The following PRKG1 variants were observed in gnomAD, a reference collection of about 807,000 sequenced individuals.
The protein encoded by PRKG1 is protein kinase cGMP-dependent 1.
Under a neutral mutation model 88.1 loss-of-function variants are expected in PRKG1, and 35 were observed. That is an observed-to-expected ratio of 0.40 (90% CI 0.30 to 0.53). The LOEUF (loss-of-function observed/expected upper bound fraction) is 0.53. Ranked by LOEUF, PRKG1 falls within the 20% of genes least tolerant of loss-of-function variation. The probability of loss-of-function intolerance (pLI) is 0.59; values close to 1 mark genes in which losing one functional copy is unlikely to be tolerated. For missense variants in PRKG1, 540 were observed against 839.8 expected, an observed-to-expected ratio of 0.64 and a Z score of 4.41; for synonymous variants, 303 against 292.5, an observed-to-expected ratio of 1.04 and a Z score of -0.37.
At chr10:51,209,274 T>C (rs1255121333) in intron 2 of PRKG1, among the ~76,000 whole-genome samples, 3 of 152,190 alleles carry the variant, frequency 2.0e-5, no homozygotes, top group South Asian at 2.1e-4. Context: ...CAGATATTCA[T>C]TGACCTCATA....
chr10:51,667,224 A>G (rs932933091), intron 3 of PRKG1, among the ~76,000 whole-genome samples: 6 of 152,240 alleles, frequency 3.9e-5, no homozygotes, highest in Non-Finnish European at 8.8e-5. Context: ...CAAGAATGAA[A>G]GAAAGCCAAT....
At chr10:51,929,523 G>C (rs1842645744) in intron 5 of PRKG1, among the ~76,000 whole-genome samples, 1 of 151,636 alleles carries the variant, frequency 6.6e-6, no homozygotes, top group African/African-American at 2.4e-5. Context: ...GCTAATTTTT[G>C]TATTTTTAGT....
rs145917780 is a variant in PRKG1, at chr10:51,307,714, A to G, written c.478+154384A>G. Among the ~76,000 whole-genome samples the G allele has an allele frequency of 9.8e-5, 15 of 152,332 alleles. No individual in the cohort carries two copies. The East Asian group carries it at 2.5e-3, about 25-fold the overall frequency. On this transcript the variant is annotated intron_variant, in intron 2 of 17. Transcript: ENST00000373980. The stretch of plus-strand genomic sequence containing the variant: ...AATTTTTGAAATAGCTCTGATGAAC[A>G]TAAAACACCAGAGACTGAAATATAT...
chr10:51,967,375 C>T (rs1843596414), intron 5 of PRKG1, among the ~76,000 whole-genome samples: 2 of 151,742 alleles, frequency 1.3e-5, no homozygotes. Context: ...AACACATGGA[C>T]ACAGGAAGGG....
chr10:51,988,659 T>C (rs1993860), intron 5 of PRKG1, among the ~76,000 whole-genome samples: 134,467 of 152,060 alleles, frequency 0.88, 59,597 homozygotes, highest in East Asian at 1. Context: ...CTGTGAATTA[T>C]CTATGCATAT....
chr10:52,144,137 C>A (rs1208285227), intron 8 of PRKG1, among the ~76,000 whole-genome samples: 2 of 152,098 alleles, frequency 1.3e-5, no homozygotes, highest in Non-Finnish European at 2.9e-5. Context: ...GTAAAGACAG[C>A]TACTGCTGAG....
chr10:51,628,803 C>G (rs924279209), intron 3 of PRKG1, among the ~76,000 whole-genome samples: 2 of 151,292 alleles, frequency 1.3e-5, no homozygotes, highest in Admixed American at 6.6e-5. Context: ...ACTAAAAATA[C>G]AAAAAATTAG....
chr10:51,929,815 C>T (rs1424586442), intron 5 of PRKG1, among the ~76,000 whole-genome samples: 1 of 152,116 alleles, frequency 6.6e-6, no homozygotes, highest in Non-Finnish European at 1.5e-5. Flanking sequence ...ACTTTTGTTA[C>T]CGTTTCTCTA....
At chr10:52,293,765 A>T in intron 17 of PRKG1, 37 bp from the exon 18 acceptor site, 1 of 1,551,674 alleles carries the variant, frequency 6.4e-7, no homozygotes, top group Non-Finnish European at 8.9e-7. Context: ...TTCCACTAAA[A>T]AAAATCCACT....
intron 1 of PRKG1, among the ~76,000 whole-genome samples, chr10:51,082,903 A>G (rs189158320): frequency 1.8e-4 from 28 of 152,282 alleles, no homozygotes; most frequent in African/African-American, 6.7e-4. Flanking sequence ...CACCACCTCC[A>G]GAGCCTATGA....
chr10:52,074,796 T>C (rs1589582540), intron 7 of PRKG1, among the ~76,000 whole-genome samples: 1 of 152,324 alleles, frequency 6.6e-6, no homozygotes, highest in East Asian at 1.9e-4. Context: ...AAAGAAATGC[T>C]TTAAGGTCCT....
At chr10:52,023,124 T>C (rs1216206824) in intron 5 of PRKG1, among the ~76,000 whole-genome samples, 3 of 152,176 alleles carry the variant, frequency 2.0e-5, no homozygotes, top group Admixed American at 1.3e-4. Context: ...TGTCCAAGTG[T>C]TCTCATTGTT....
At chr10:52,013,380 C>T (rs937756006) in intron 5 of PRKG1, among the ~76,000 whole-genome samples, 1 of 149,108 alleles carries the variant, frequency 6.7e-6, no homozygotes, top group African/African-American at 2.5e-5. Flanking sequence ...GATTGTGCCA[C>T]TGCACTCCAG....
intron 1 of PRKG1, among the ~76,000 whole-genome samples, chr10:51,034,668 T>TTTTTATATATATA (rs9299454): frequency 5.9e-5 from 4 of 68,186 alleles, no homozygotes; most frequent in Admixed American, 4.1e-4. Flanking sequence ...AATATGTTAT[T>TTTTTATATATATA]TATATATATA....
At chr10:51,474,459 TGTAA>T (rs1588994392) in intron 3 of PRKG1, among the ~76,000 whole-genome samples, 1 of 152,022 alleles carries the variant, frequency 6.6e-6, no homozygotes, top group Non-Finnish European at 1.5e-5. Flanking sequence ...AGATGAATTC[TGTAA>T]CATAATGATG....
At position 51,454,306 on chromosome 10, in the gene PRKG1, C is replaced by T. The variant is rs183953690; in HGVS notation, c.479-13417C>T. Among the ~76,000 whole-genome samples the T allele has an allele frequency of 2.7e-4, 41 of 152,004 alleles. No homozygotes were observed. The East Asian group carries it at 7.2e-3, about 27-fold the overall frequency. The stretch of plus-strand genomic sequence containing the variant: ...TAGCCAAAGCAAGGCTAAGCAAAAT[C>T]GCAAATCTGGAGGTATCACATTACC... On this transcript the variant is annotated intron_variant, in intron 2 of 17. Transcript: ENST00000373980.
chr10:51,152,206 C>A (rs1846089766), intron 1 of PRKG1, among the ~76,000 whole-genome samples: 1 of 152,042 alleles, frequency 6.6e-6, no homozygotes, highest in Non-Finnish European at 1.5e-5. Flanking sequence ...TTAAGTTCTG[C>A]TAAAACTTTC....
At chr10:52,075,200 A>G (rs1324208339) in intron 7 of PRKG1, among the ~76,000 whole-genome samples, 1 of 152,230 alleles carries the variant, frequency 6.6e-6, no homozygotes, top group African/African-American at 2.4e-5. Context: ...ACTAGGGAGT[A>G]GTTACAGATA....
At chr10:51,755,852 A>C (rs1451582016) in intron 3 of PRKG1, among the ~76,000 whole-genome samples, 2 of 152,238 alleles carry the variant, frequency 1.3e-5, no homozygotes, top group South Asian at 4.1e-4. Flanking sequence ...ATCATATTCC[A>C]AACAAGTGGC....
Sources: gnomAD v4.1 joint callset for allele counts (sites outside exome capture counted in the v4.1 genomes callset) on GRCh38, gnomAD v4.1.1 for gene constraint, MANE v1.5 for transcripts, NCBI Gene and HGNC (gene_info 2026-07-23, HGNC 2026-07-21) for gene names.